The following COP1 variants were observed in gnomAD, a reference collection of about 807,000 sequenced individuals.
COP1 encodes E3 ubiquitin-protein ligase COP1.
Under a neutral mutation model 101.3 loss-of-function variants are expected in COP1, and 24 were observed. That is an observed-to-expected ratio of 0.24 (90% confidence interval 0.17 to 0.33). The LOEUF (loss-of-function observed/expected upper bound fraction) is 0.33. Ranked by LOEUF, COP1 falls within the 10% of genes least tolerant of loss-of-function variation. The pLI is 1.00. For synonymous variants in COP1, 347 were observed against 341.9 expected (o/e 1.01, Z -0.17); for missense variants, 663 against 906.2 (o/e 0.73, Z 3.45).
In COP1 at chr1:176,206,715, C is replaced by T. The variant is rs1207151271; in HGVS notation, c.264G>A (p.Arg88=). The change falls in exon 1 of 20, where the codon CGG becomes CGA. Residue 88 remains arginine (R), a synonymous_variant. Transcript: ENST00000367669. ...CGCTGGGCCTGGCCGCGCAGCTGTG[C>T]CGGGACAGGCCCGTGGACACCGCCC... ...GGGAVSTGLS[R]HSCAARPSAG... The T allele has an allele frequency of 6.3e-7, 1 of 1,592,630 alleles. No homozygotes were observed. Among genetic ancestry groups the T allele is most frequent in the Admixed American group, 1.7e-5 (1 of 58,192 alleles).
At chr1:176,083,775 G>T (rs1019815590) in intron 10 of COP1, among the ~76,000 whole-genome samples, 1 of 152,132 alleles carries the variant, frequency 6.6e-6, no homozygotes, top group Non-Finnish European at 1.5e-5. Context: ...TAGGTACACC[G>T]TTTCAGAGAA....
chr1:175,953,787 A>G (rs576822594), intron 18 of COP1, among the ~76,000 whole-genome samples: 1 of 151,890 alleles, frequency 6.6e-6, no homozygotes, highest in African/African-American at 2.4e-5. Flanking sequence ...AAACTCCTAT[A>G]TACATATATA....
intron 15 of COP1, among the ~76,000 whole-genome samples, chr1:175,997,235 T>C (rs1246245933): frequency 2.0e-5 from 3 of 151,636 alleles, no homozygotes; most frequent in African/African-American, 7.3e-5. Flanking sequence ...TTACACCTTA[T>C]ACAAAAATCA....
At chr1:175,996,124 T>C (rs1417777117) in intron 15 of COP1, among the ~76,000 whole-genome samples, 1 of 151,754 alleles carries the variant, frequency 6.6e-6, no homozygotes, top group Non-Finnish European at 1.5e-5. Context: ...ATCCAGCATA[T>C]AAACAGAACC....
chr1:176,149,012 C>T lies in COP1; in HGVS notation c.825G>A (p.Lys275=), dbSNP rs1158999598. Residue 275 remains lysine (K), a synonymous_variant, in exon 6 of 20, where the codon AAG becomes AAA. Coordinates refer to ENST00000367669, the MANE Select transcript of COP1 (RefSeq NM_022457.7). ...AACACACAAAATAATATACCTCTCT[C>T]TTATTTCTTCTTGCAACCTTGAGGA... ...MEFLKVARRN[K]REQLEQIQKE... is the part of the protein sequence containing the mutation. 2 of 1,569,516 alleles carry T rather than the reference C, an allele frequency of 1.3e-6. No individual in the cohort carries two copies. Among genetic ancestry groups the T allele is most frequent in the South Asian group, 1.2e-5 (1 of 86,536 alleles).
chr1:176,076,320 C>T (rs549613415), intron 11 of COP1, among the ~76,000 whole-genome samples: 1 of 152,192 alleles, frequency 6.6e-6, no homozygotes, highest in South Asian at 2.1e-4. Context: ...TCAAGAAGAT[C>T]TCTCAAAACT....
intron 6 of COP1, among the ~76,000 whole-genome samples, chr1:176,143,585 C>T (rs1156518080): frequency 2.0e-5 from 3 of 152,014 alleles, no homozygotes; most frequent in African/African-American, 7.2e-5. Flanking sequence ...AACATAGATG[C>T]AAAAATCCTA....
intron 5 of COP1, chr1:176,160,288 TA>T: frequency 1.4e-5 from 5 of 362,216 alleles, no homozygotes; most frequent in South Asian, 3.9e-5. Context: ...TTTTTTACTT[TA>T]AGTTCTGGGA....
At chr1:176,144,749 C>T (rs1691301734) in intron 6 of COP1, among the ~76,000 whole-genome samples, 1 of 152,028 alleles carries the variant, frequency 6.6e-6, no homozygotes, top group Non-Finnish European at 1.5e-5. Flanking sequence ...TGATATATGA[C>T]AAAGGTGAAA....
At chr1:176,035,386 A>G (rs1669323465) in intron 14 of COP1, among the ~76,000 whole-genome samples, 1 of 152,234 alleles carries the variant, frequency 6.6e-6, no homozygotes, top group South Asian at 2.1e-4. Context: ...CAAGAAAAAG[A>G]ATATGAGGTC....
chr1:176,123,311 C>T (rs1193290256), intron 8 of COP1, among the ~76,000 whole-genome samples: 2 of 152,038 alleles, frequency 1.3e-5, no homozygotes, highest in Admixed American at 6.6e-5. Context: ...TCATGAACAG[C>T]AGAAATGGTA....
chr1:176,121,777 C>T (rs1290961333), intron 8 of COP1, among the ~76,000 whole-genome samples: 1 of 151,934 alleles, frequency 6.6e-6, no homozygotes, highest in Non-Finnish European at 1.5e-5. Flanking sequence ...ATTTCAAGGA[C>T]ACAAATTTTG....
At chr1:176,056,546 T>C (rs1673527506) in intron 11 of COP1, among the ~76,000 whole-genome samples, 1 of 152,140 alleles carries the variant, frequency 6.6e-6, no homozygotes. Flanking sequence ...GAGAGATTGA[T>C]CTAATGCTTT....
intron 3 of COP1, among the ~76,000 whole-genome samples, chr1:176,173,439 C>T (rs1252037171): frequency 3.3e-5 from 5 of 150,770 alleles, no homozygotes; most frequent in Non-Finnish European, 4.4e-5. Context: ...AGTTTGAGAC[C>T]GGCCTGGAAA....
At position 175,986,646 on chromosome 1, in the gene COP1, G is replaced by A. The variant is rs111295553; in HGVS notation, c.2133+297C>T. On this transcript the variant is annotated intron_variant, in intron 18 of 19. Coordinates refer to ENST00000367669, the MANE Select transcript of COP1 (RefSeq NM_022457.7). ...GAAAATGAGACAGAATGCATATTTT[G>A]GAGGAATTTCCAGTCTTATAGAAGA... 2.6e-3 allele frequency among the ~76,000 whole-genome samples: 397 copies of A among 152,176 alleles called. 3 individuals are homozygous for A. Among genetic ancestry groups the A allele is most frequent in the African/African-American group, 9.1e-3 (378 of 41,510 alleles).
chr1:175,999,867 A>T (rs1446475535), intron 15 of COP1, among the ~76,000 whole-genome samples: 3 of 152,112 alleles, frequency 2.0e-5, no homozygotes, highest in Non-Finnish European at 4.4e-5. Flanking sequence ...AATGATGTTG[A>T]GCACTTTTAC....
intron 15 of COP1, among the ~76,000 whole-genome samples, chr1:175,994,912 A>T (rs1659716246): frequency 6.6e-6 from 1 of 152,294 alleles, no homozygotes; most frequent in Middle Eastern, 3.4e-3. Context: ...ACATCTACAG[A>T]ACTCTCCACC....
At chr1:175,993,406 C>A (rs373911733) in intron 15 of COP1, among the ~76,000 whole-genome samples, 211 of 152,250 alleles carry the variant, frequency 1.4e-3, no homozygotes, top group African/African-American at 4.8e-3. Flanking sequence ...ATGGCTTTGA[C>A]GAGTTGAGAG....
chr1:175,951,285 T>C (rs1164419766), intron 18 of COP1, among the ~76,000 whole-genome samples: 1 of 150,048 alleles, frequency 6.7e-6, no homozygotes, highest in East Asian at 1.9e-4. Flanking sequence ...TAAAATATAA[T>C]AAAATAAAAT....
Sources: allele counts gnomAD v4.1 joint callset (sites outside exome capture counted in the v4.1 genomes callset), GRCh38; gene constraint gnomAD v4.1.1; transcripts MANE v1.5; gene names NCBI Gene and HGNC (gene_info 2026-07-23, HGNC 2026-07-21).